The following PCDHGB2 variants were observed in gnomAD, a reference collection of about 807,000 sequenced individuals.
PCDHGB2 encodes the protein protocadherin gamma subfamily B, 2, also known as protocadherin gamma-B2.
A neutral mutation model predicts 59.3 loss-of-function variants in PCDHGB2; 55 were observed. The ratio of observed to expected loss-of-function variants is 0.93; its 90% CI spans 0.75 to 1.16. PCDHGB2 has a LOEUF of 1.16. Among genes scored for constraint, PCDHGB2 ranks in the 50% most tolerant of loss-of-function variants. The probability of loss-of-function intolerance (pLI) is 0.00; values close to 1 mark genes in which losing one functional copy is unlikely to be tolerated. For synonymous variants in PCDHGB2, 516 were observed against 512.0 expected (o/e 1.01, Z -0.11); for missense variants, 1,228 against 1,198.5 (o/e 1.02, Z -0.36).
intron 1 of PCDHGB2, among the ~76,000 whole-genome samples, chr5:141,454,261 A>T (rs183133499): frequency 1.3e-5 from 2 of 152,364 alleles, no homozygotes; most frequent in South Asian, 2.1e-4. Flanking sequence ...CAGAGAAAGT[A>T]ATGCCAGCAA....
chr5:141,399,999 A>G (rs1589395014), intron 1 of PCDHGB2: 1 of 1,612,302 alleles, frequency 6.2e-7, no homozygotes. Flanking sequence ...AGGTGCGCAC[A>G]GCGCGTGCCT....
chr5:141,446,253 A>T (rs1452074783), intron 1 of PCDHGB2, among the ~76,000 whole-genome samples: 3 of 152,164 alleles, frequency 2.0e-5, no homozygotes, highest in African/African-American at 7.2e-5. Context: ...CTTCAGTGAA[A>T]TATTATTAAC....
chr5:141,407,954 G>A, intron 1 of PCDHGB2: 1 of 640,866 alleles, frequency 1.6e-6, no homozygotes, highest in East Asian at 3.0e-5. Flanking sequence ...GTCGGCCAGT[G>A]CAGAGCAAGC....
chr5:141,426,711 G>C, intron 1 of PCDHGB2: 1 of 444,496 alleles, frequency 2.2e-6, no homozygotes, highest in Non-Finnish European at 4.6e-6. Flanking sequence ...ACAAATCAAT[G>C]AACTAGCAAT....
At chr5:141,463,438 CTTTTTTTTTTTTT>C (rs71576115) in intron 1 of PCDHGB2, among the ~76,000 whole-genome samples, 4 of 103,254 alleles carry the variant, frequency 3.9e-5, no homozygotes, top group South Asian at 3.2e-4. Flanking sequence ...TTTCCTTCTC[CTTTTTTTTTTTTT>C]TTTTTTTTTT....
Position 141,409,704 on chromosome 5 carries a change from T to C in PCDHGB2, c.2421+47148T>C. ...GCGAGTGACCTAGAGCCCCTGGCGG[T>C]GTCGTCATACGTGTCAGTGAGCGCG... On this transcript the variant is annotated intron_variant, in intron 1 of 3. Transcript: ENST00000522605. 6.2e-7 allele frequency: 1 copy of C among 1,613,248 alleles called. No homozygotes were observed. Among genetic ancestry groups the C allele is most frequent in the South Asian group, 1.1e-5 (1 of 91,072 alleles).
At chr5:141,416,362 G>A (rs562901653) in intron 1 of PCDHGB2, 4 of 152,306 alleles carry the variant, frequency 2.6e-5, no homozygotes, top group African/African-American at 7.2e-5. Flanking sequence ...GGAGGCTATA[G>A]AGGGTGAAAT....
intron 1 of PCDHGB2, among the ~76,000 whole-genome samples, chr5:141,454,989 T>C (rs1460420144): frequency 6.6e-6 from 1 of 151,506 alleles, no homozygotes; most frequent in East Asian, 2.0e-4. Context: ...TTAAAAAATA[T>C]TTTTAGTAGA....
chr5:141,395,302 T>C, intron 1 of PCDHGB2: 1 of 1,516,670 alleles, frequency 6.6e-7, no homozygotes, highest in East Asian at 2.3e-5. Flanking sequence ...AATTATGTTT[T>C]GAAAAACATT....
At chr5:141,392,991 G>A in intron 1 of PCDHGB2, 1 of 1,613,904 alleles carries the variant, frequency 6.2e-7, no homozygotes, top group Middle Eastern at 1.7e-4. Flanking sequence ...CCGGAAGCTG[G>A]CGAAGCACGG....
intron 1 of PCDHGB2, chr5:141,420,184 A>G: frequency 5.0e-6 from 8 of 1,613,990 alleles, no homozygotes; most frequent in Non-Finnish European, 6.8e-6. Context: ...ATCATTGTCC[A>G]GCCACACAAG....
intron 1 of PCDHGB2, chr5:141,364,994 C>T: frequency 1.2e-6 from 2 of 1,613,924 alleles, no homozygotes; most frequent in Non-Finnish European, 1.7e-6. Flanking sequence ...AGACCCGGTA[C>T]TCTCCGGCAC....
Position 141,390,222 on chromosome 5 carries a change from G to A in PCDHGB2, c.2421+27666G>A, listed in dbSNP as rs758225583. The A allele has an allele frequency of 1.1e-5, 18 of 1,613,904 alleles. 1 individual carries two copies. In the Middle Eastern group the frequency reaches 9.9e-4, roughly 88 times the overall value. ...GAGTTCAGGACAAGACATACTTTGC[G>A]GTGATTCATCTGGGGCCTTATTTCC... On this transcript the variant is annotated intron_variant, in intron 1 of 3. Transcript: ENST00000522605.
rs747044319 is a variant in PCDHGB2 at position 141,382,892 on chromosome 5, G to C, written c.2421+20336G>C. The C allele has an allele frequency of 3.7e-5, 57 of 1,534,302 alleles. No individual in the cohort carries two copies. In the East Asian group the frequency reaches 9.8e-4, roughly 26 times the overall value. On this transcript the variant is annotated intron_variant, in intron 1 of 3. Coordinates refer to ENST00000522605, the MANE Select transcript of PCDHGB2 (RefSeq NM_018923.3). ...GATCGGCGCCTAAGCAAGAGAAGCA[G>C]GACGACTATGGCGGCTCAGCCGAGG...
intron 1 of PCDHGB2, among the ~76,000 whole-genome samples, chr5:141,458,112 A>C (rs2098937913): frequency 6.6e-6 from 1 of 152,208 alleles, no homozygotes; most frequent in Non-Finnish European, 1.5e-5. Context: ...ATAGTCTCCA[A>C]ATTTTAGAGG....
At chr5:141,387,816 C>T (rs1376270603) in intron 1 of PCDHGB2, 3 of 1,539,164 alleles carry the variant, frequency 1.9e-6, no homozygotes, top group African/African-American at 1.4e-5. Flanking sequence ...ATCCAAAAAT[C>T]TGCAATACAG....
At chr5:141,403,525 C>T (rs1427557410) in intron 1 of PCDHGB2, 1 of 1,614,002 alleles carries the variant, frequency 6.2e-7, no homozygotes, top group South Asian at 1.1e-5. Flanking sequence ...GAGCCATAAA[C>T]CCAGAGCTGG....
chr5:141,415,740 G>GTTTTTTTTTTTTTTTTTTTTTTT (rs57426385), intron 1 of PCDHGB2: 14 of 625,046 alleles, frequency 2.2e-5, no homozygotes, highest in East Asian at 1.4e-4. Flanking sequence ...GTTTATTAAG[G>GTTTTTTTTTTTTTTTTTTTTTTT]TTTTTTTTTT....
rs70988800 is a variant in PCDHGB2 at position 141,379,889 on chromosome 5, C to CTTTTTTTTTTTTTTTTTTTTTT, written c.2421+17342_2421+17363dup. On this transcript the variant is annotated intron_variant, in intron 1 of 3. Coordinates refer to ENST00000522605, the MANE Select transcript of PCDHGB2 (RefSeq NM_018923.3). ...CTTATTTTATGGTCTGTGAAAGCCT[C>CTTTTTTTTTTTTTTTTTTTTTT]TTTTTTTTTTTTTTTTTTTTTTTTT... Among the ~76,000 whole-genome samples the CTTTTTTTTTTTTTTTTTTTTTT allele has an allele frequency of 1.7e-3, 88 of 50,830 alleles. 16 individuals carry two copies. The highest frequency in any genetic ancestry group is 2.3e-3 in the Non-Finnish European group (60 of 25,884). 33.3% of individuals were successfully genotyped at this position (50,830 alleles called of 152,430 possible).
Sources: gnomAD v4.1 joint callset for allele counts (sites outside exome capture counted in the v4.1 genomes callset) on GRCh38, gnomAD v4.1.1 for gene constraint, MANE v1.5 for transcripts, NCBI Gene and HGNC (gene_info 2026-07-23, HGNC 2026-07-21) for gene names.